EDAR: variants seen among roughly 807,000 people sequenced by gnomAD.
EDAR encodes ectodysplasin A receptor, also known as tumor necrosis factor receptor superfamily member EDAR.
Under a neutral mutation model 51.3 loss-of-function variants are expected in EDAR, and 38 were observed. The ratio of observed to expected loss-of-function variants is 0.74; its 90% CI spans 0.57 to 0.97. EDAR has a LOEUF of 0.97. Ranked by LOEUF, EDAR falls within the 50% of genes least tolerant of loss-of-function variation. EDAR has a pLI of 0.00. For missense variants in EDAR, 528 were observed against 595.0 expected (o/e 0.89, Z 1.17); for synonymous variants, 227 against 242.1 (o/e 0.94, Z 0.58).
chr2:108,926,603 C>A (rs1457452908), intron 4 of EDAR, among the ~76,000 whole-genome samples: 2 of 152,220 alleles, frequency 1.3e-5, no homozygotes, highest in Non-Finnish European at 2.9e-5. Context: ...GGGGTGAGGC[C>A]TGGAGAGGTG....
intron 1 of EDAR, among the ~76,000 whole-genome samples, chr2:108,974,956 G>A (rs982741077): frequency 1.3e-5 from 2 of 152,168 alleles, no homozygotes; most frequent in African/African-American, 4.8e-5. Flanking sequence ...GGAGTCAGAA[G>A]GAAGAGCCCA....
At chr2:108,926,919 G>A (rs191353890) in intron 4 of EDAR, among the ~76,000 whole-genome samples, 77 of 152,312 alleles carry the variant, frequency 5.1e-4, no homozygotes, top group African/African-American at 1.8e-3. Flanking sequence ...ATCCTCCTCT[G>A]TGACACAGCG....
At chr2:108,903,571 C>G (rs539463391) in intron 11 of EDAR, among the ~76,000 whole-genome samples, 13 of 152,186 alleles carry the variant, frequency 8.5e-5, no homozygotes, top group Non-Finnish European at 1.5e-4. Flanking sequence ...TGCAACAGAA[C>G]AGCAACCCCA....
intron 1 of EDAR, among the ~76,000 whole-genome samples, chr2:108,967,936 G>A (rs543744512): frequency 3.0e-4 from 46 of 152,236 alleles, no homozygotes; most frequent in African/African-American, 1.0e-3. Context: ...CCGGCTTTGC[G>A]GAGCTGGAGG....
At chr2:108,911,112 G>A in intron 6 of EDAR, 40 bp from the exon 7 acceptor site, 3 of 1,613,408 alleles carry the variant, frequency 1.9e-6, no homozygotes, top group Non-Finnish European at 2.5e-6. Flanking sequence ...CAGAGCTCAG[G>A]ATCCCTGCTG....
At chr2:108,926,096 G>A (rs116554776) in intron 4 of EDAR, among the ~76,000 whole-genome samples, 5 of 152,128 alleles carry the variant, frequency 3.3e-5, no homozygotes, top group African/African-American at 7.2e-5. Context: ...ACTCCTCACC[G>A]CCTGGCTTAC....
intron 2 of EDAR, 79 bp from the exon 3 acceptor site, chr2:108,930,321 A>C (rs2105447273): frequency 3.8e-6 from 6 of 1,594,456 alleles, no homozygotes; most frequent in East Asian, 2.2e-5. Flanking sequence ...CAAGGTTGAC[A>C]TAGGAAGGGG....
chr2:108,955,503 T>C (rs1168859051), intron 1 of EDAR, among the ~76,000 whole-genome samples: 1 of 152,168 alleles, frequency 6.6e-6, no homozygotes, highest in Non-Finnish European at 1.5e-5. Flanking sequence ...ATCCTAGCAC[T>C]CTGGGAGGCC....
At chr2:108,944,410 G>T (rs1048242524) in intron 1 of EDAR, among the ~76,000 whole-genome samples, 3 of 152,216 alleles carry the variant, frequency 2.0e-5, no homozygotes, top group Admixed American at 2.0e-4. Context: ...CACCGTGCCC[G>T]GCCCAGGAAT....
intron 10 of EDAR, among the ~76,000 whole-genome samples, chr2:108,907,154 C>T (rs1417902837): frequency 6.6e-6 from 1 of 152,202 alleles, no homozygotes; most frequent in Non-Finnish European, 1.5e-5. Context: ...GGGACAGTTT[C>T]TACATGTGAA....
chr2:108,977,400 C>T (rs183461619), intron 1 of EDAR, among the ~76,000 whole-genome samples: 41 of 152,302 alleles, frequency 2.7e-4, no homozygotes, highest in Middle Eastern at 3.4e-3. Flanking sequence ...TCCCAAGTAG[C>T]TGGGACTACA....
chr2:108,908,424 C>G (rs570489963), intron 9 of EDAR, among the ~76,000 whole-genome samples: 2 of 152,332 alleles, frequency 1.3e-5, no homozygotes, highest in Admixed American at 6.5e-5. Flanking sequence ...TCATGTTAAG[C>G]AAACAGATTG....
Position 108,897,046 on chromosome 2 carries a change from G to A in EDAR, c.1208C>T (p.Thr403Met), listed in dbSNP as rs1696610832. 5 of 1,614,174 alleles carry A rather than the reference G, an allele frequency of 3.1e-6. No individual in the cohort carries two copies. The highest frequency in any genetic ancestry group is 2.2e-5 in the South Asian group (2 of 91,068). ...TAGCTCAGGGATGCTGTAGCCTGCCGTGCTGATGCGGTCAAAGAGTTGCAT... is the reference window on the plus strand; with the variant it reads ...TAGCTCAGGGATGCTGTAGCCTGCCATGCTGATGCGGTCAAAGAGTTGCAT... ...DGMQLFDRIS[T>M]AGYSIPELLT... The change falls in exon 12 of 12, where the codon ACG (threonine) becomes ATG (methionine). Residue 403 changes from threonine (T) to methionine (M), a missense_variant. Transcript: ENST00000258443.
rs746333932 is a variant in EDAR at position 108,917,224 on chromosome 2, G to A, written c.443-4460C>T. On this transcript the variant is annotated intron_variant, in intron 5 of 11. Transcript: ENST00000258443. Reference sequence around the variant, plus strand: ...GTTTCATAAAAGCAACGCGCGGCTCGTGTGGAAGCCAAAGGAGTGGATCTC... The same window carrying A: ...GTTTCATAAAAGCAACGCGCGGCTCATGTGGAAGCCAAAGGAGTGGATCTC... Among the ~76,000 whole-genome samples, 13 of 152,288 alleles carry A rather than the reference G, an allele frequency of 8.5e-5. No individual in the cohort carries two copies. The East Asian group carries it at 1.2e-3, about 14-fold the overall frequency.
chr2:108,945,608 G>A (rs1697700802), intron 1 of EDAR, among the ~76,000 whole-genome samples: 1 of 152,114 alleles, frequency 6.6e-6, no homozygotes, highest in Non-Finnish European at 1.5e-5. Context: ...GAAATGAAAG[G>A]AAAATAAAAA....
Position 108,896,445 on chromosome 2 carries a change from T to C in EDAR, c.*462A>G, listed in dbSNP as rs539526981. 3.2e-5 allele frequency: 5 copies of C among 157,054 alleles called. No individual in the cohort carries two copies. Among genetic ancestry groups the C allele is most frequent in the South Asian group, 1.9e-4 (1 of 5,154 alleles). The allele number at this position is 157,054 out of a possible 1,614,324, so 9.7% of individuals were successfully genotyped here. On this transcript the variant is annotated 3_prime_UTR_variant, in exon 12 of 12. Transcript: ENST00000258443. ...CCGCTTAGAACTTCTATTAACGTTTTCTAAGCGCCCCTTCATTCAGCTTGT... is the reference window on the plus strand; with the variant it reads ...CCGCTTAGAACTTCTATTAACGTTTCCTAAGCGCCCCTTCATTCAGCTTGT...
At chr2:108,899,887 G>A (rs766056864) in intron 11 of EDAR, among the ~76,000 whole-genome samples, 1 of 152,134 alleles carries the variant, frequency 6.6e-6, no homozygotes, top group Non-Finnish European at 1.5e-5. Flanking sequence ...TCGGGAGGCT[G>A]AGGCAGGAGA....
intron 5 of EDAR, 78 bp from the exon 6 acceptor site, chr2:108,912,842 T>C: frequency 8.2e-7 from 1 of 1,222,320 alleles, no homozygotes; most frequent in Non-Finnish European, 1.2e-6. Context: ...CTCATGGATC[T>C]GGATTCATGA....
chr2:108,962,060 T>C (rs1698057413), intron 1 of EDAR, among the ~76,000 whole-genome samples: 1 of 152,206 alleles, frequency 6.6e-6, no homozygotes, highest in African/African-American at 2.4e-5. Context: ...GAGACTTTTT[T>C]CCCTGTGTAA....
Sources: allele counts gnomAD v4.1 joint callset (sites outside exome capture counted in the v4.1 genomes callset), GRCh38; gene constraint gnomAD v4.1.1; transcripts MANE v1.5; gene names NCBI Gene and HGNC (gene_info 2026-07-23, HGNC 2026-07-21).